Variants in KLKB1 observed in about 807,000 individuals in gnomAD.
The protein encoded by KLKB1 is kallikrein B1, also known as plasma kallikrein.
Under a neutral mutation model 73.6 loss-of-function variants are expected in KLKB1, and 58 were observed. The observed-to-expected ratio is 0.79, with a 90% confidence interval of 0.64 to 0.98. The LOEUF is 0.98. KLKB1 is among the 50% of genes least tolerant of loss of function. The pLI is 0.00. For missense variants in KLKB1, 737 were observed against 763.8 expected (o/e 0.96, Z 0.41); for synonymous variants, 280 against 258.1 (o/e 1.08, Z -0.81).
chr4:186,233,809 G>A, intron 3 of KLKB1, 143 bp from the exon 4 acceptor site: 1 of 669,508 alleles, frequency 1.5e-6, no homozygotes, highest in Non-Finnish European at 2.7e-6. Context: ...TTAGCTCTAA[G>A]AGTGTTCTTT....
At chr4:186,220,289 C>T (rs971343171) in intron 2 of KLKB1, among the ~76,000 whole-genome samples, 4 of 152,118 alleles carry the variant, frequency 2.6e-5, no homozygotes, top group Non-Finnish European at 5.9e-5. Flanking sequence ...GAGAATTTTG[C>T]CCCAGCCCTG....
upstream of KLKB1, among the ~76,000 whole-genome samples, chr4:186,224,717 G>A (rs555581680): frequency 7.9e-5 from 12 of 152,276 alleles, no homozygotes; most frequent in South Asian, 2.1e-3. Context: ...CTTTGGACTC[G>A]GACTTTTGGG....
chr4:186,248,125 G>A (rs1738476488), intron 6 of KLKB1, among the ~76,000 whole-genome samples: 1 of 152,136 alleles, frequency 6.6e-6, no homozygotes, highest in Non-Finnish European at 1.5e-5. Flanking sequence ...GCAGATGCCT[G>A]TAGTCCCAGC....
intron 6 of KLKB1, among the ~76,000 whole-genome samples, chr4:186,247,712 A>T (rs4253292): frequency 9.9e-5 from 15 of 152,156 alleles, no homozygotes; most frequent in South Asian, 8.3e-4. Context: ...AATACCAAGA[A>T]AATTTAATTC....
At chr4:186,244,617 G>T (rs537638946) in intron 6 of KLKB1, among the ~76,000 whole-genome samples, 13 of 152,276 alleles carry the variant, frequency 8.5e-5, no homozygotes, top group Admixed American at 7.2e-4. Flanking sequence ...ACAGAATAAT[G>T]GGTTGTGGAG....
Position 186,251,881 on chromosome 4 carries a change from C to G in KLKB1, c.1144+20C>G. ...ACTCTGGTGAGTAACCTCACTTTTT[C>G]GTGGACCTGTCAGGGATGTCTGTCA... On this transcript the variant is annotated intron_variant, in intron 10 of 14. Transcript: ENST00000264690. 1 of 1,601,896 alleles carries G rather than the reference C, an allele frequency of 6.2e-7. No individual in the cohort carries two copies. The highest frequency in any genetic ancestry group is 8.5e-7 in the Non-Finnish European group (1 of 1,169,600).
In KLKB1 at chr4:186,232,644, C is replaced by T. The variant is rs146183520; in HGVS notation, c.221+355C>T. On this transcript the variant is annotated intron_variant, in intron 3 of 14. Coordinates refer to ENST00000264690, the MANE Select transcript of KLKB1 (RefSeq NM_000892.5). ...TGCACATTTCATCTGAATAAAGAAA[C>T]AGATTTAACTGTGTGACCCATGATC... is the stretch of plus-strand genomic sequence containing the variant. 1.3e-3 allele frequency among the ~76,000 whole-genome samples: 194 copies of T among 152,292 alleles called. 1 individual carries two copies. The highest frequency in any genetic ancestry group is 4.4e-3 in the African/African-American group (184 of 41,556).
Position 186,232,277 on chromosome 4 carries a change from A to T in KLKB1, c.209A>T (p.Asp70Val), listed in dbSNP as rs750771073. The change falls in exon 3 of 15, where the codon GAC becomes GTC. Residue 70 changes from aspartate (D) to valine (V), a missense_variant. Physicochemically the swap from Asp to Val is radical, Grantham distance 152 (BLOSUM62 -3). Coordinates refer to ENST00000264690, the MANE Select transcript of KLKB1 (RefSeq NM_000892.5). ...TTTCTTCCAGCAAGTTCAATCAATG[A>T]CATGGAGAAAAGGTAAAAGTTGGTA... ...FSFLPASSIN[D>V]MEKRFGCFLK... is the part of the protein sequence containing the mutation. 6.2e-7 allele frequency: 1 copy of T among 1,614,008 alleles called. No individual in the cohort carries two copies. Among genetic ancestry groups the T allele is most frequent in the East Asian group, 2.2e-5 (1 of 44,878 alleles).
At chr4:186,240,483 T>C (rs1487119280) in intron 6 of KLKB1, among the ~76,000 whole-genome samples, 1 of 152,216 alleles carries the variant, frequency 6.6e-6, no homozygotes, top group Non-Finnish European at 1.5e-5. Flanking sequence ...TAAAACTCTG[T>C]CGTTTCACAC....
At chr4:186,229,943 T>TC (rs1275988652) in intron 2 of KLKB1, among the ~76,000 whole-genome samples, 1 of 152,198 alleles carries the variant, frequency 6.6e-6, no homozygotes, top group East Asian at 1.9e-4. Context: ...CTCTTATGTT[T>TC]TTTTTTTCCA....
intron 2 of KLKB1, among the ~76,000 whole-genome samples, chr4:186,215,748 A>G (rs1030285194): frequency 6.6e-6 from 1 of 151,938 alleles, no homozygotes; most frequent in African/African-American, 2.4e-5. Context: ...TAATTTTTGT[A>G]ATTTTTCTTG....
At chr4:186,255,711 A>G (rs1311058021) in intron 12 of KLKB1, among the ~76,000 whole-genome samples, 2 of 152,252 alleles carry the variant, frequency 1.3e-5, no homozygotes, top group African/African-American at 2.4e-5. Context: ...GATAGTATAC[A>G]TGGAATAAGA....
upstream of KLKB1, among the ~76,000 whole-genome samples, chr4:186,223,715 G>A (rs60013780): frequency 1.1e-3 from 168 of 152,334 alleles, no homozygotes; most frequent in African/African-American, 4.0e-3. Flanking sequence ...GTTTAAAAGG[G>A]AAGCAAAGCA....
intron 6 of KLKB1, among the ~76,000 whole-genome samples, chr4:186,241,585 T>C (rs1738052754): frequency 2.0e-5 from 3 of 152,212 alleles, no homozygotes; most frequent in African/African-American, 7.2e-5. Context: ...CAAAACCATT[T>C]GCAACTCTGA....
At position 186,243,059 on chromosome 4, in the gene KLKB1, A is replaced by T. The variant is rs1334109331; in HGVS notation, c.598+4694A>T. On this transcript the variant is annotated intron_variant, in intron 6 of 14. Transcript: ENST00000264690. ...ACCCATCCAGTGAAAGTGTCTACCCAGACCAAGAGGTATTTTAGTTTCCTG... is the reference window on the plus strand; with the variant it reads ...ACCCATCCAGTGAAAGTGTCTACCCTGACCAAGAGGTATTTTAGTTTCCTG... Among the ~76,000 whole-genome samples the T allele has an allele frequency of 2.0e-5, 3 of 152,114 alleles. No homozygotes were observed. The East Asian group carries it at 5.8e-4, about 29-fold the overall frequency.
chr4:186,242,477 G>A (rs1304533387), intron 6 of KLKB1, among the ~76,000 whole-genome samples: 2 of 152,098 alleles, frequency 1.3e-5, no homozygotes, highest in South Asian at 2.1e-4. Context: ...ACCTACAGTG[G>A]GAGAGATGAA....
chr4:186,219,634 A>C (rs1017796331), intron 2 of KLKB1, among the ~76,000 whole-genome samples: 3 of 152,212 alleles, frequency 2.0e-5, no homozygotes, highest in African/African-American at 7.2e-5. Flanking sequence ...GCAGCTGGTC[A>C]CGTGGGCATA....
At chr4:186,231,093 G>C (rs915683908) in intron 2 of KLKB1, among the ~76,000 whole-genome samples, 1 of 152,192 alleles carries the variant, frequency 6.6e-6, no homozygotes, top group Non-Finnish European at 1.5e-5. Context: ...GGGTAGGATA[G>C]TGCAGAGAAG....
chr4:186,229,411 G>T (rs1737289849), intron 2 of KLKB1, among the ~76,000 whole-genome samples: 1 of 152,104 alleles, frequency 6.6e-6, no homozygotes, highest in African/African-American at 2.4e-5. Context: ...ATTAACTGTG[G>T]ACACTCTTTG....
Sources: gnomAD v4.1 joint callset for allele counts (sites outside exome capture counted in the v4.1 genomes callset) on GRCh38, gnomAD v4.1.1 for gene constraint, MANE v1.5 for transcripts, NCBI Gene and HGNC (gene_info 2026-07-23, HGNC 2026-07-21) for gene names.